The following MYO7B variants were observed in gnomAD, a reference collection of about 807,000 sequenced individuals.
MYO7B encodes the protein unconventional myosin-VIIb.
Under a neutral mutation model 259.7 loss-of-function variants are expected in MYO7B, and 212 were observed. That is an observed-to-expected ratio of 0.82 (90% CI 0.73 to 0.91). The LOEUF (loss-of-function observed/expected upper bound fraction) is 0.91. Among genes scored for constraint, MYO7B ranks in the 40% least tolerant of loss-of-function variants. The pLI, the probability that MYO7B is intolerant of heterozygous loss-of-function variation, is 0.00. For missense variants in MYO7B, 2,732 were observed against 2,813.5 expected (o/e 0.97, Z 0.66); for synonymous variants, 1,197 against 1,166.4 (o/e 1.03, Z -0.54).
At chr2:127,617,169 G>T (rs1258253769) in intron 26 of MYO7B, among the ~76,000 whole-genome samples, 6 of 152,074 alleles carry the variant, frequency 3.9e-5, no homozygotes, top group Non-Finnish European at 8.8e-5. Context: ...AGGTACCAGC[G>T]CACGTTTACA....
intron 18 of MYO7B, 93 bp downstream of exon 18, chr2:127,593,737 C>A: frequency 8.5e-7 from 1 of 1,181,890 alleles, no homozygotes; most frequent in Non-Finnish European, 1.2e-6. Flanking sequence ...GGTCCATGTG[C>A]CCTGAGCCAA....
At chr2:127,604,847 G>A (rs1238162336) in intron 19 of MYO7B, among the ~76,000 whole-genome samples, 3 of 152,072 alleles carry the variant, frequency 2.0e-5, no homozygotes, top group Non-Finnish European at 4.4e-5. Flanking sequence ...GCAGTTTGTG[G>A]TGCCCCAAAA....
chr2:127,631,114 C>G, intron 36 of MYO7B, 92 bp from the exon 37 acceptor site: 1 of 1,454,714 alleles, frequency 6.9e-7, no homozygotes. Context: ...TGCTCTGGCC[C>G]TCCCACAGCC....
At chr2:127,569,603 T>G (rs993693389) in intron 5 of MYO7B, among the ~76,000 whole-genome samples, 186 bp from the exon 6 acceptor site, 1 of 152,156 alleles carries the variant, frequency 6.6e-6, no homozygotes, top group African/African-American at 2.4e-5. Context: ...CAATAACATG[T>G]ACAACACAGG....
chr2:127,591,571 T>C (rs971699855), intron 16 of MYO7B, among the ~76,000 whole-genome samples: 1 of 152,170 alleles, frequency 6.6e-6, no homozygotes, highest in African/African-American at 2.4e-5. Flanking sequence ...ACCAGGCCCA[T>C]AGGAAATCGT....
At chr2:127,554,289 G>T (rs1029244983) in intron 1 of MYO7B, among the ~76,000 whole-genome samples, 1 of 152,090 alleles carries the variant, frequency 6.6e-6, no homozygotes, top group Non-Finnish European at 1.5e-5. Context: ...GGTCAGGCTG[G>T]TCTCAAGCTC....
At chr2:127,610,673 C>T (rs1006121836) in intron 24 of MYO7B, among the ~76,000 whole-genome samples, 17 of 152,262 alleles carry the variant, frequency 1.1e-4, no homozygotes, top group African/African-American at 3.6e-4. Flanking sequence ...AGTGACAGCA[C>T]TCAGTGGCCC....
Position 127,585,816 on chromosome 2 carries a change from G to T in MYO7B, c.1690+903G>T, listed in dbSNP as rs188403002. Among the ~76,000 whole-genome samples the T allele has an allele frequency of 6.6e-6, 1 of 152,166 alleles. No individual in the cohort carries two copies. Among genetic ancestry groups the T allele is most frequent in the Non-Finnish European group, 1.5e-5 (1 of 68,040 alleles). ...AATGTGATTTGCATCTGCATCCCCC[G>T]ATGGCTAATGATGTTGATCGCCTTT... is the stretch of plus-strand genomic sequence containing the variant. On this transcript the variant is annotated intron_variant, in intron 14 of 47. Coordinates refer to ENST00000409816, the MANE Select transcript of MYO7B (RefSeq NM_001393586.1). This position sits in a 1 kb window ranked among gnomAD's most constrained non-coding sequence, Gnocchi z 4.3.
Position 127,564,974 on chromosome 2 carries a change from C to T in MYO7B, c.133-259C>T, listed in dbSNP as rs561613417. On this transcript the variant is annotated intron_variant, in intron 3 of 47. Coordinates refer to ENST00000409816, the MANE Select transcript of MYO7B (RefSeq NM_001393586.1). ...GCTCCTTTGTCCCTGGTCTGAAATT[C>T]AGCCCTAGCCCCAGCTACGCCCTAA... is the stretch of plus-strand genomic sequence containing the variant. 3.9e-5 allele frequency among the ~76,000 whole-genome samples: 6 copies of T among 152,360 alleles called. No homozygotes were observed. The East Asian group carries it at 1.2e-3, about 29-fold the overall frequency.
At position 127,628,734 on chromosome 2, in the gene MYO7B, G is replaced by A. The variant is rs10191439; in HGVS notation, c.4624+199G>A. On this transcript the variant is annotated intron_variant, in intron 34 of 47. Coordinates refer to ENST00000409816, the MANE Select transcript of MYO7B (RefSeq NM_001393586.1). The surrounding 1 kb of genome is among the most constrained non-coding windows in gnomAD (Gnocchi z 4.8). ...GCCACTGCTTCCTCTTCTACAAAAT[G>A]AGGGGCTAAAGGAGGTGGTCTCCAG... 7.9e-4 allele frequency among the ~76,000 whole-genome samples: 121 copies of A among 152,338 alleles called. No homozygotes were observed. Among genetic ancestry groups the A allele is most frequent in the African/African-American group, 2.8e-3 (116 of 41,580 alleles).
At chr2:127,593,751 C>T in intron 18 of MYO7B, 107 bp downstream of exon 18, 1 of 990,572 alleles carries the variant, frequency 1.0e-6, no homozygotes, top group Middle Eastern at 2.2e-4. Context: ...GAGCCAATGA[C>T]ACTGGGCAGC....
chr2:127,570,921 G>C (rs1678575828), intron 6 of MYO7B, among the ~76,000 whole-genome samples: 1 of 152,186 alleles, frequency 6.6e-6, no homozygotes, highest in South Asian at 2.1e-4. Context: ...GCCTGCATCA[G>C]TGATTCATTC....
At position 127,559,822 on chromosome 2, in the gene MYO7B, G is replaced by A. The variant is rs2104845803; in HGVS notation, c.18+82G>A. On this transcript the variant is annotated intron_variant, in intron 2 of 47. Transcript: ENST00000409816. The surrounding 1 kb of genome is among the most constrained non-coding windows in gnomAD (Gnocchi z 4.1). The stretch of plus-strand genomic sequence containing the variant: ...TTGAATCGCTCCCAAGGAAAGAGAG[G>A]AAAGGCAATGAGACCCTATAGGAAA... 2.0e-6 allele frequency: 3 copies of A among 1,467,152 alleles called. No homozygotes were observed. Among genetic ancestry groups the A allele is most frequent in the Non-Finnish European group, 2.9e-6 (3 of 1,046,498 alleles). The allele number at this position is 1,467,152 out of a possible 1,614,324, so 90.9% of individuals were successfully genotyped here. A position where few individuals can be genotyped will look rare whatever the true frequency, so the allele number is the denominator to read the frequency against.
rs777308486 is a variant in MYO7B at position 127,625,470 on chromosome 2, C to T, written c.4150C>T (p.His1384Tyr). ...GGAGCTGCTGCCCAGCTGCATCCCC[C>T]ACAAGCTGTACAGGACCAAGCCCCC... ...VQELLPSCIP[H>Y]KLYRTKPPDR... The change falls in exon 31 of 48, where the codon CAC (histidine) becomes TAC (tyrosine). Residue 1384 changes from histidine (H) to tyrosine (Y), a missense_variant. His to Tyr is a moderately conservative substitution (Grantham distance 83). Transcript: ENST00000409816. 2 of 1,612,362 alleles carry T rather than the reference C, an allele frequency of 1.2e-6. No individual in the cohort carries two copies. The highest frequency in any genetic ancestry group is 2.2e-5 in the East Asian group (1 of 44,896).
chr2:127,544,165 C>T (rs888642227), intron 1 of MYO7B, among the ~76,000 whole-genome samples: 4 of 152,098 alleles, frequency 2.6e-5, no homozygotes, highest in Non-Finnish European at 5.9e-5. Flanking sequence ...CAGCCTCGAA[C>T]TCCCAGACTT....
chr2:127,562,359 C>T (rs529682876), intron 2 of MYO7B, among the ~76,000 whole-genome samples: 4 of 151,922 alleles, frequency 2.6e-5, no homozygotes, highest in African/African-American at 9.7e-5. Flanking sequence ...TGCAGTGGCA[C>T]GATCACAATT....
At chr2:127,563,484 A>G (rs1374485060) in intron 2 of MYO7B, among the ~76,000 whole-genome samples, 4 of 152,122 alleles carry the variant, frequency 2.6e-5, no homozygotes, top group East Asian at 1.9e-4. Context: ...CTCTTTTCCC[A>G]CCCCACAGAG....
In MYO7B at chr2:127,613,890, T is replaced by C. The variant is rs549837047; in HGVS notation, c.3398+1287T>C. Among the ~76,000 whole-genome samples the C allele has an allele frequency of 1.3e-3, 191 of 152,272 alleles. 1 individual carries two copies. The highest frequency in any genetic ancestry group is 4.1e-3 in the African/African-American group (171 of 41,554). On this transcript the variant is annotated intron_variant, in intron 26 of 47. Coordinates refer to ENST00000409816, the MANE Select transcript of MYO7B (RefSeq NM_001393586.1). The surrounding 1 kb of genome is among the most constrained non-coding windows in gnomAD (Gnocchi z 4.3). ...GGGGGCAACCAGAGATTTGGGAAGA[T>C]TTTATGTGCAAAATTTAGGACTCCT...
At chr2:127,562,720 T>G (rs1322306063) in intron 2 of MYO7B, among the ~76,000 whole-genome samples, 2 of 151,816 alleles carry the variant, frequency 1.3e-5, no homozygotes, top group Admixed American at 6.6e-5. Flanking sequence ...ACTCCTGACC[T>G]TGTGATCTGC....
Sources: allele counts gnomAD v4.1 joint callset (sites outside exome capture counted in the v4.1 genomes callset), GRCh38; gene constraint gnomAD v4.1.1; non-coding constraint Gnocchi (gnomAD v3.1); transcripts MANE v1.5; gene names NCBI Gene and HGNC (gene_info 2026-07-23, HGNC 2026-07-21).